Variants in ARHGAP24 observed in about 807,000 individuals in gnomAD.
The protein encoded by ARHGAP24 is Rho GTPase activating protein 24.
In ARHGAP24, 50 loss-of-function variants were observed where a neutral mutation model predicts 76.4. The observed-to-expected ratio is 0.65, with a 90% CI of 0.52 to 0.83. The LOEUF (loss-of-function observed/expected upper bound fraction) is 0.83. Among genes scored for constraint, ARHGAP24 ranks in the 40% least tolerant of loss-of-function variants. The probability of loss-of-function intolerance (pLI) is 0.00; values close to 1 mark genes in which losing one functional copy is unlikely to be tolerated. For synonymous variants in ARHGAP24, 345 were observed against 323.3 expected (o/e 1.07, Z -0.72); for missense variants, 930 against 914.2 (o/e 1.02, Z -0.22).
At chr4:85,678,452 T>C (rs1273418685) in intron 2 of ARHGAP24, among the ~76,000 whole-genome samples, 3 of 152,228 alleles carry the variant, frequency 2.0e-5, no homozygotes, top group African/African-American at 7.2e-5. Context: ...TTCGGTTCAA[T>C]GCCCAAATTT....
At chr4:85,943,650 C>T (rs912489134) in intron 5 of ARHGAP24, among the ~76,000 whole-genome samples, 2 of 152,064 alleles carry the variant, frequency 1.3e-5, no homozygotes, top group Middle Eastern at 3.2e-3. Context: ...TGATGTTCCC[C>T]TCCCTGTGTC....
intron 3 of ARHGAP24, among the ~76,000 whole-genome samples, chr4:85,829,516 C>T (rs1038273784): frequency 1.4e-4 from 21 of 152,180 alleles, no homozygotes; most frequent in African/African-American, 4.8e-4. Flanking sequence ...AGCAGAAACA[C>T]CTGACTCTAA....
chr4:85,506,828 A>G (rs1724072521), intron 1 of ARHGAP24, among the ~76,000 whole-genome samples: 1 of 152,166 alleles, frequency 6.6e-6, no homozygotes, highest in Non-Finnish European at 1.5e-5. Context: ...CTTCTGCATC[A>G]GTCACGCTGG....
In ARHGAP24 at chr4:85,828,574, G is replaced by A. The variant is rs1022650394; in HGVS notation, c.269-95074G>A. On this transcript the variant is annotated intron_variant, in intron 3 of 9. Transcript: ENST00000395184. The stretch of plus-strand genomic sequence containing the variant: ...CAAATAATACGTGCTATCTTTTGAT[G>A]TACTTACAATTAACTTAATCAACCT... 2.6e-5 allele frequency among the ~76,000 whole-genome samples: 4 copies of A among 151,146 alleles called. No homozygotes were observed. The East Asian group carries it at 5.8e-4, about 22-fold the overall frequency.
intron 4 of ARHGAP24, among the ~76,000 whole-genome samples, chr4:85,934,457 C>T (rs112897919): frequency 0.016 from 2,434 of 152,254 alleles, 25 homozygotes; most frequent in Middle Eastern, 0.044. Flanking sequence ...AGCAAGCTTT[C>T]TCTGTTTACC....
At chr4:85,634,853 T>G (rs1280297870) in intron 2 of ARHGAP24, among the ~76,000 whole-genome samples, 1 of 151,852 alleles carries the variant, frequency 6.6e-6, no homozygotes, top group African/African-American at 2.4e-5. Context: ...GAATATTCTC[T>G]TTTCCTGTGA....
chr4:85,476,658 A>G (rs1722611296), intron 1 of ARHGAP24, among the ~76,000 whole-genome samples: 1 of 152,256 alleles, frequency 6.6e-6, no homozygotes, highest in Non-Finnish European at 1.5e-5. Flanking sequence ...GAAGATGTAC[A>G]GACGGATTAA....
chr4:85,923,847 C>G lies in ARHGAP24; in HGVS notation c.391+77C>G, dbSNP rs6825260. On this transcript the variant is annotated intron_variant, in intron 4 of 9. Coordinates refer to ENST00000395184, the MANE Select transcript of ARHGAP24 (RefSeq NM_001025616.3). The stretch of plus-strand genomic sequence containing the variant: ...CATCCCTTTCCCCCAGCGAATGTTA[C>G]TATTAGCTCCTGTATTCAAGTGGGT... 173,838 of 1,593,760 alleles carry G rather than the reference C, an allele frequency of 0.11. 9,985 individuals carry two copies. The highest frequency in any genetic ancestry group is 0.15 in the South Asian group (13,877 of 90,304).
At chr4:85,523,446 A>T (rs754835567) in intron 1 of ARHGAP24, among the ~76,000 whole-genome samples, 28 of 152,182 alleles carry the variant, frequency 1.8e-4, no homozygotes, top group Admixed American at 4.6e-4. Context: ...ATATGATTTG[A>T]TCAAAGTATA....
intron 1 of ARHGAP24, among the ~76,000 whole-genome samples, chr4:85,509,631 T>C (rs1724199696): frequency 1.3e-5 from 2 of 152,102 alleles, no homozygotes; most frequent in South Asian, 4.1e-4. Context: ...TGCTATAACC[T>C]GGTAGCATGT....
intron 2 of ARHGAP24, among the ~76,000 whole-genome samples, chr4:85,586,812 C>T (rs1222521007): frequency 1.3e-5 from 2 of 152,016 alleles, no homozygotes; most frequent in Admixed American, 6.6e-5. Flanking sequence ...GCAGGAGAAT[C>T]GCTTGAACCT....
chr4:85,565,492 G>T (rs1292521403), intron 1 of ARHGAP24, among the ~76,000 whole-genome samples: 1 of 152,142 alleles, frequency 6.6e-6, no homozygotes, highest in Non-Finnish European at 1.5e-5. Flanking sequence ...CAAATTCTGG[G>T]AACACATTTA....
Position 85,857,286 on chromosome 4 carries a change from A to G in ARHGAP24, c.269-66362A>G, listed in dbSNP as rs187367162. 8.5e-5 allele frequency among the ~76,000 whole-genome samples: 13 copies of G among 152,340 alleles called. No homozygotes were observed. In the East Asian group the frequency reaches 2.5e-3, roughly 29 times the overall value. ...GCAGAACAAAGGTTCTTTCATAAAT[A>G]TTTATTTACACTTTACAAACTACAA... is the stretch of plus-strand genomic sequence containing the variant. On this transcript the variant is annotated intron_variant, in intron 3 of 9. Transcript: ENST00000395184.
At chr4:85,594,713 T>C (rs1000041546) in intron 2 of ARHGAP24, among the ~76,000 whole-genome samples, 1 of 152,110 alleles carries the variant, frequency 6.6e-6, no homozygotes, top group African/African-American at 2.4e-5. Flanking sequence ...TTCTACAGTA[T>C]GTGGCACAAG....
chr4:85,572,085 A>G (rs940352209), intron 2 of ARHGAP24, among the ~76,000 whole-genome samples: 1 of 152,218 alleles, frequency 6.6e-6, no homozygotes, highest in Admixed American at 6.5e-5. Flanking sequence ...AGAGATATGA[A>G]GTGATGTAAT....
chr4:85,888,210 G>A (rs1161013182), intron 3 of ARHGAP24, among the ~76,000 whole-genome samples: 1 of 152,006 alleles, frequency 6.6e-6, no homozygotes, highest in Non-Finnish European at 1.5e-5. Flanking sequence ...AGACCAGCCT[G>A]GGCAACATGG....
intron 3 of ARHGAP24, among the ~76,000 whole-genome samples, chr4:85,811,557 A>G (rs556386021): frequency 4.6e-5 from 7 of 152,360 alleles, no homozygotes; most frequent in African/African-American, 9.6e-5. Context: ...GTTTCACCCT[A>G]AAGTTTTATT....
intron 2 of ARHGAP24, among the ~76,000 whole-genome samples, chr4:85,709,728 C>T (rs1335695004): frequency 6.6e-6 from 1 of 152,028 alleles, no homozygotes; most frequent in African/African-American, 2.4e-5. Flanking sequence ...TCCTATATAC[C>T]AACAACTGTC....
intron 1 of ARHGAP24, among the ~76,000 whole-genome samples, chr4:85,480,542 T>A (rs1009361849): frequency 2.0e-5 from 3 of 152,184 alleles, no homozygotes; most frequent in African/African-American, 7.2e-5. Flanking sequence ...TGAAAACAGA[T>A]TGAATAGTTA....
Sources: allele counts gnomAD v4.1 joint callset (sites outside exome capture counted in the v4.1 genomes callset), GRCh38; gene constraint gnomAD v4.1.1; transcripts MANE v1.5; gene names NCBI Gene and HGNC (gene_info 2026-07-23, HGNC 2026-07-21).